ARHGAP22: variants seen among roughly 807,000 people sequenced by gnomAD.
The protein encoded by ARHGAP22 is Rho GTPase activating protein 22, also known as rho GTPase-activating protein 22.
ARHGAP22 carries 48 observed loss-of-function variants against 59.1 expected under a neutral mutation model. The observed-to-expected ratio is 0.81, with a 90% CI of 0.64 to 1.03. ARHGAP22 has a LOEUF of 1.03. Among genes scored for constraint, ARHGAP22 ranks in the 50% least tolerant of loss-of-function variants. ARHGAP22 has a pLI of 0.00. For synonymous variants in ARHGAP22, 445 were observed against 416.4 expected, an observed-to-expected ratio of 1.07 and a Z score of -0.84; for missense variants, 1,015 against 958.7, an observed-to-expected ratio of 1.06 and a Z score of -0.78.
the ARHGAP22 span, chr10:48,430,935 G>C: frequency 2.1e-6 from 1 of 483,878 alleles, no homozygotes; most frequent in Middle Eastern, 5.7e-4. Flanking sequence ...TTCTACCCCA[G>C]CACTATCAAA....
intron 1 of ARHGAP22, among the ~76,000 whole-genome samples, chr10:48,592,029 G>A (rs1438659825): frequency 6.6e-6 from 1 of 152,022 alleles, no homozygotes; most frequent in Non-Finnish European, 1.5e-5. Context: ...AAAAACCTGA[G>A]TGCCCGTTAG....
At chr10:48,555,866 C>A (rs1406215647) in intron 2 of ARHGAP22, among the ~76,000 whole-genome samples, 3 of 152,202 alleles carry the variant, frequency 2.0e-5, no homozygotes, top group Non-Finnish European at 2.9e-5. Context: ...GCCACCTAAG[C>A]CTTTCTGGGC....
intron 9 of ARHGAP22, 53 bp downstream of exon 9, chr10:48,450,208 T>G (rs1264292449): frequency 2.5e-6 from 4 of 1,580,694 alleles, no homozygotes; most frequent in Non-Finnish European, 2.6e-6. Context: ...AGAGCACGGC[T>G]CTCCCTGCAG....
chr10:48,548,649 G>T (rs931474504), intron 3 of ARHGAP22, among the ~76,000 whole-genome samples: 6 of 152,222 alleles, frequency 3.9e-5, no homozygotes, highest in African/African-American at 1.4e-4. Flanking sequence ...GGATTTAAAG[G>T]GAGGCCTAAA....
At chr10:48,617,417 A>AT (rs1300048492) in intron 1 of ARHGAP22, among the ~76,000 whole-genome samples, 1 of 152,066 alleles carries the variant, frequency 6.6e-6, no homozygotes, top group African/African-American at 2.4e-5. Context: ...TTTCATCAGC[A>AT]CGTGGAATAT....
At chr10:48,564,695 G>A (rs1590214107) in intron 2 of ARHGAP22, among the ~76,000 whole-genome samples, 1 of 152,200 alleles carries the variant, frequency 6.6e-6, no homozygotes, top group Admixed American at 6.5e-5. Flanking sequence ...CAGTGTTTCT[G>A]CAGCCCAGAA....
intron 2 of ARHGAP22, among the ~76,000 whole-genome samples, chr10:48,579,450 T>C (rs2058972830): frequency 6.6e-6 from 1 of 152,228 alleles, no homozygotes; most frequent in Non-Finnish European, 1.5e-5. Flanking sequence ...GGACAGGTGC[T>C]GGGAAAAGCT....
chr10:48,637,300 A>G (rs901059208), intron 1 of ARHGAP22, among the ~76,000 whole-genome samples: 4 of 152,228 alleles, frequency 2.6e-5, no homozygotes, highest in African/African-American at 4.8e-5. Flanking sequence ...TCACTCACAG[A>G]GCTGTTGTCC....
chr10:48,635,293 T>G (rs969356018), intron 1 of ARHGAP22, among the ~76,000 whole-genome samples: 7 of 152,238 alleles, frequency 4.6e-5, no homozygotes, highest in Non-Finnish European at 8.8e-5. Flanking sequence ...ATGACTAGTT[T>G]CATACTCCTC....
intron 9 of ARHGAP22, among the ~76,000 whole-genome samples, chr10:48,448,625 CA>C (rs927483107): frequency 1.0e-4 from 14 of 134,180 alleles, no homozygotes; most frequent in Admixed American, 3.2e-4. Context: ...CCCATACTTC[CA>C]GAGAACAGGA....
chr10:48,539,527 G>A (rs1460814939), intron 3 of ARHGAP22, among the ~76,000 whole-genome samples: 2 of 151,744 alleles, frequency 1.3e-5, no homozygotes, highest in Non-Finnish European at 1.5e-5. Flanking sequence ...TCCTGACCTC[G>A]TGATCCGCCC....
chr10:48,602,625 T>TATTC (rs1235302667), intron 1 of ARHGAP22, among the ~76,000 whole-genome samples: 4 of 152,184 alleles, frequency 2.6e-5, no homozygotes, highest in Admixed American at 2.6e-4. Flanking sequence ...TCTATCCAGC[T>TATTC]ATTCATCCAC....
chr10:48,438,920 G>A, the ARHGAP22 span: 4 of 152,166 alleles, frequency 2.6e-5, no homozygotes, highest in African/African-American at 4.8e-5. Context: ...AAAATTTTAC[G>A]AAGAAATAAA....
At chr10:48,569,722 C>T (rs1327421648) in intron 2 of ARHGAP22, among the ~76,000 whole-genome samples, 2 of 152,162 alleles carry the variant, frequency 1.3e-5, no homozygotes, top group African/African-American at 2.4e-5. Flanking sequence ...TCATTACTAC[C>T]GGTAACACTG....
chr10:48,430,415 A>G, the ARHGAP22 span: 6 of 152,272 alleles, frequency 3.9e-5, no homozygotes, highest in African/African-American at 1.4e-4. Flanking sequence ...TTAAGTAGAC[A>G]TTCAGACTCA....
At chr10:48,551,072 G>A (rs2056857831) in intron 3 of ARHGAP22, among the ~76,000 whole-genome samples, 1 of 152,192 alleles carries the variant, frequency 6.6e-6, no homozygotes, top group Admixed American at 6.5e-5. Flanking sequence ...ACTGCACCCT[G>A]GGCACTGGGG....
chr10:48,437,352 CATTT>C, the ARHGAP22 span: 1 of 152,082 alleles, frequency 6.6e-6, no homozygotes, highest in South Asian at 2.1e-4. Flanking sequence ...GCATCTTAAA[CATTT>C]TTTTTTTGAA....
At chr10:48,469,436 T>G (rs1024145746) in intron 4 of ARHGAP22, among the ~76,000 whole-genome samples, 4 of 152,234 alleles carry the variant, frequency 2.6e-5, no homozygotes, top group Non-Finnish European at 5.9e-5. Context: ...ACAGTTGGCC[T>G]CTTCACTCTG....
intron 1 of ARHGAP22, among the ~76,000 whole-genome samples, chr10:48,616,699 A>G (rs1023810151): frequency 6.6e-6 from 1 of 152,146 alleles, no homozygotes; most frequent in Non-Finnish European, 1.5e-5. Context: ...ATGCTGAAAC[A>G]AAAACCTGTC....
Sources: gnomAD v4.1 joint callset for allele counts (sites outside exome capture counted in the v4.1 genomes callset) on GRCh38, gnomAD v4.1.1 for gene constraint, MANE v1.5 for transcripts, NCBI Gene and HGNC (gene_info 2026-07-23, HGNC 2026-07-21) for gene names.